Variants in MEIKIN observed in about 807,000 individuals in gnomAD.
MEIKIN encodes meiosis-specific kinetochore protein.
intron 12 of MEIKIN, among the ~76,000 whole-genome samples, chr5:131,810,956 A>C (rs775996365): frequency 3.3e-5 from 5 of 152,222 alleles, no homozygotes; most frequent in Non-Finnish European, 7.3e-5. Context: ...GACTAAAAAT[A>C]GGCTGCTGCA....
At chr5:131,853,228 T>C (rs150471226) in intron 10 of MEIKIN, among the ~76,000 whole-genome samples, 2 of 152,312 alleles carry the variant, frequency 1.3e-5, no homozygotes, top group Non-Finnish European at 2.9e-5. Context: ...CTAAAATACT[T>C]TGAGTTTCCC....
chr5:131,897,565 C>G (rs1426273301), intron 8 of MEIKIN, among the ~76,000 whole-genome samples: 1 of 152,174 alleles, frequency 6.6e-6, no homozygotes, highest in African/African-American at 2.4e-5. Flanking sequence ...TCCCAGAAGC[C>G]TCTTGGAGGC....
chr5:131,924,782 G>C (rs1751562452), intron 5 of MEIKIN, among the ~76,000 whole-genome samples: 1 of 151,848 alleles, frequency 6.6e-6, no homozygotes, highest in African/African-American at 2.4e-5. Flanking sequence ...ATTTTGGTAG[G>C]TTATCTCTTT....
At chr5:131,862,897 A>G (rs564412305) in intron 9 of MEIKIN, among the ~76,000 whole-genome samples, 3 of 152,106 alleles carry the variant, frequency 2.0e-5, no homozygotes, top group African/African-American at 7.2e-5. Context: ...CGGGGTTTCA[A>G]TATGTTGCCC....
At chr5:131,853,095 A>G (rs1750141424) in intron 10 of MEIKIN, among the ~76,000 whole-genome samples, 1 of 152,214 alleles carries the variant, frequency 6.6e-6, no homozygotes. Context: ...TGATAAGTGT[A>G]AGAATGTCAA....
intron 11 of MEIKIN, among the ~76,000 whole-genome samples, chr5:131,821,588 T>C (rs1749505890): frequency 6.7e-6 from 1 of 149,220 alleles, no homozygotes; most frequent in African/African-American, 2.5e-5. Context: ...ATGCTGAAAA[T>C]GGGCTCTTTA....
chr5:131,905,734 A>G (rs1751233235), intron 8 of MEIKIN, among the ~76,000 whole-genome samples: 1 of 152,170 alleles, frequency 6.6e-6, no homozygotes, highest in Non-Finnish European at 1.5e-5. Context: ...GAACCCAAAC[A>G]TAACCACCAG....
intron 12 of MEIKIN, among the ~76,000 whole-genome samples, chr5:131,818,023 A>G (rs1460561484): frequency 6.6e-6 from 1 of 152,236 alleles, no homozygotes; most frequent in African/African-American, 2.4e-5. Flanking sequence ...TGGAGTTAGA[A>G]AGCTTAAAAG....
intron 5 of MEIKIN, among the ~76,000 whole-genome samples, chr5:131,923,634 A>G (rs1160783689): frequency 6.6e-6 from 1 of 151,362 alleles, no homozygotes; most frequent in Non-Finnish European, 1.5e-5. Context: ...TTCTTAGAAC[A>G]GCCTCTTCTT....
chr5:131,935,310 T>C (rs577789752), intron 4 of MEIKIN, among the ~76,000 whole-genome samples: 1 of 131,590 alleles, frequency 7.6e-6, no homozygotes, highest in Non-Finnish European at 1.7e-5. Context: ...AAAACCAGAA[T>C]ATGAAGAACT....
chr5:131,905,230 A>G (rs966312845), intron 8 of MEIKIN, among the ~76,000 whole-genome samples: 4 of 152,208 alleles, frequency 2.6e-5, no homozygotes, highest in Admixed American at 1.3e-4. Flanking sequence ...GCACAAATCA[A>G]TAACTTTTTT....
intron 9 of MEIKIN, among the ~76,000 whole-genome samples, chr5:131,876,460 C>G (rs1439309569): frequency 1.3e-5 from 2 of 148,958 alleles, no homozygotes; most frequent in Admixed American, 1.3e-4. Flanking sequence ...CATCTCACAC[C>G]AGTTAGAATG....
At chr5:131,860,744 G>A (rs1750270547) in intron 9 of MEIKIN, among the ~76,000 whole-genome samples, 1 of 138,170 alleles carries the variant, frequency 7.2e-6, no homozygotes, top group African/African-American at 2.7e-5. Flanking sequence ...ACCATGCCCA[G>A]CCTGTTTGGC....
chr5:131,812,143 T>C (rs1027496020), intron 12 of MEIKIN, among the ~76,000 whole-genome samples: 1 of 152,232 alleles, frequency 6.6e-6, no homozygotes, highest in African/African-American at 2.4e-5. Context: ...GTAGATAATA[T>C]TAAATATACT....
chr5:131,870,561 C>T (rs910988118), intron 9 of MEIKIN, among the ~76,000 whole-genome samples: 1 of 152,150 alleles, frequency 6.6e-6, no homozygotes, highest in African/African-American at 2.4e-5. Context: ...GATTGATAGC[C>T]AATGGCCTTC....
In MEIKIN at chr5:131,893,718, C is replaced by T. The variant is rs573569865; in HGVS notation, c.704-14670G>A. Among the ~76,000 whole-genome samples, 9 of 152,244 alleles carry T rather than the reference C, an allele frequency of 5.9e-5. No homozygotes were observed. The South Asian group carries it at 1.0e-3, about 18-fold the overall frequency. On this transcript the variant is annotated intron_variant, in intron 8 of 12. Coordinates refer to ENST00000442687, the MANE Select transcript of MEIKIN (RefSeq NM_001303622.2). ...CCCGCAGACTGGAGCTGTTCCTATT[C>T]GGCCATCTTGGGTCCACTCCATAAA...
chr5:131,823,156 T>C (rs1193131196), intron 11 of MEIKIN, among the ~76,000 whole-genome samples: 4 of 152,150 alleles, frequency 2.6e-5, no homozygotes, highest in African/African-American at 9.7e-5. Context: ...GATTATTAAA[T>C]GCCTTGAGGT....
At chr5:131,808,364 A>G (rs1772887046) in intron 12 of MEIKIN, among the ~76,000 whole-genome samples, 1 of 152,158 alleles carries the variant, frequency 6.6e-6, no homozygotes, top group Admixed American at 6.5e-5. Flanking sequence ...ATCCAAGGCC[A>G]TGACCTATAT....
intron 9 of MEIKIN, among the ~76,000 whole-genome samples, chr5:131,877,107 C>T (rs574098481): frequency 1.3e-5 from 2 of 151,864 alleles, no homozygotes; most frequent in South Asian, 4.2e-4. Context: ...TGTAACAAAC[C>T]TGCACATTGT....
Sources: gnomAD v4.1 joint callset for allele counts (sites outside exome capture counted in the v4.1 genomes callset) on GRCh38, gnomAD v4.1.1 for gene constraint, MANE v1.5 for transcripts, NCBI Gene and HGNC (gene_info 2026-07-23, HGNC 2026-07-21) for gene names.